Variants in MAST4 observed in about 807,000 individuals in gnomAD.
MAST4 encodes microtubule associated serine/threonine kinase family member 4.
MAST4 carries 89 observed loss-of-function variants against 162.7 expected under a neutral mutation model. The ratio of observed to expected loss-of-function variants is 0.55; its 90% CI spans 0.46 to 0.65. MAST4 has a LOEUF of 0.65. Among genes scored for constraint, MAST4 ranks in the 30% least tolerant of loss-of-function variants. The probability of loss-of-function intolerance (pLI) is 0.00; values close to 1 mark genes in which losing one functional copy is unlikely to be tolerated. For missense variants in MAST4, 3,153 were observed against 3,374.0 expected, an observed-to-expected ratio of 0.93 and a Z score of 1.62; for synonymous variants, 1,479 against 1,361.1, an observed-to-expected ratio of 1.09 and a Z score of -1.91.
At chr5:66,962,000 G>A (rs976315559) in intron 4 of MAST4, among the ~76,000 whole-genome samples, 1 of 152,170 alleles carries the variant, frequency 6.6e-6, no homozygotes, top group African/African-American at 2.4e-5. Context: ...TTTTTAATTA[G>A]AGCATTTGAG....
chr5:66,864,645 C>T (rs200118628), intron 3 of MAST4, among the ~76,000 whole-genome samples: 2 of 53,534 alleles, frequency 3.7e-5, no homozygotes, highest in East Asian at 5.5e-4. Context: ...TGAATTATGT[C>T]CCCCCCCGAA....
At chr5:67,018,016 A>G (rs937567682) in intron 4 of MAST4, among the ~76,000 whole-genome samples, 9 of 152,148 alleles carry the variant, frequency 5.9e-5, no homozygotes. Context: ...TAAGCTTTAC[A>G]TTTTACTAAT....
At chr5:66,909,450 T>C (rs992993243) in intron 4 of MAST4, among the ~76,000 whole-genome samples, 4 of 152,204 alleles carry the variant, frequency 2.6e-5, no homozygotes, top group African/African-American at 9.7e-5. Context: ...TATAGTGGTC[T>C]ATATGGAAAA....
At position 66,899,935 on chromosome 5, in the gene MAST4, T is replaced by G; in HGVS notation, c.643-16T>G. 6.6e-7 allele frequency: 1 copy of G among 1,510,944 alleles called. No individual in the cohort carries two copies. Among genetic ancestry groups the G allele is most frequent in the Non-Finnish European group, 8.8e-7 (1 of 1,131,902 alleles). 93.6% of individuals were successfully genotyped at this position (1,510,944 alleles called of 1,614,324 possible). A position where few individuals can be genotyped will look rare whatever the true frequency, so the allele number is the denominator to read the frequency against. On this transcript the variant is annotated splice_polypyrimidine_tract_variant and intron_variant, in intron 3 of 28. Transcript: ENST00000403625. ...AATGCAGCATTGCTTATATATGGTT[T>G]TTTTTTCTTTTGCAGAAGGAGCTGA...
chr5:67,163,162 A>G lies in MAST4; in HGVS notation c.3983A>G (p.Gln1328Arg), dbSNP rs1179929176. 2 of 1,605,570 alleles carry G rather than the reference A, an allele frequency of 1.2e-6. No homozygotes were observed. The highest frequency in any genetic ancestry group is 1.7e-6 in the Non-Finnish European group (2 of 1,173,334). ...CCATCCACAGGTACTAATTCCTCCC[A>G]GAGCAGCTCCCCTAGTTCTAGTGCC... ...PDFPSGTNSS[Q>R]SSSPSSSAPN... The change falls in exon 29 of 29, where the codon CAG (glutamine) becomes CGG (arginine). Residue 1328 changes from glutamine (Q) to arginine (R), a missense_variant. Physicochemically the swap from Gln to Arg is conservative, Grantham distance 43. Coordinates refer to ENST00000403625, the MANE Select transcript of MAST4 (RefSeq NM_001164664.2). This position sits in a 1 kb window ranked among gnomAD's most constrained non-coding sequence, Gnocchi z 7.0.
At chr5:66,801,194 A>ATCTT (rs1375826954) in intron 3 of MAST4, among the ~76,000 whole-genome samples, 1 of 152,166 alleles carries the variant, frequency 6.6e-6, no homozygotes, top group Non-Finnish European at 1.5e-5. Flanking sequence ...AAAGAATTTT[A>ATCTT]ACAGGCCTGT....
At chr5:67,068,173 C>G (rs1760472003) in intron 5 of MAST4, among the ~76,000 whole-genome samples, 1 of 152,156 alleles carries the variant, frequency 6.6e-6, no homozygotes, top group South Asian at 2.1e-4. Flanking sequence ...CTCTCTGGGT[C>G]CTGAACACAG....
chr5:66,679,579 C>T (rs1748194174), intron 1 of MAST4, among the ~76,000 whole-genome samples: 1 of 152,142 alleles, frequency 6.6e-6, no homozygotes, highest in South Asian at 2.1e-4. Context: ...ATACTCTCAC[C>T]TCTCTTGCTT....
intron 19 of MAST4, among the ~76,000 whole-genome samples, chr5:67,138,970 T>G (rs1295608710): frequency 6.6e-6 from 1 of 152,216 alleles, no homozygotes; most frequent in Non-Finnish European, 1.5e-5. Flanking sequence ...ATCTCTGTGT[T>G]TATAAATCAT....
chr5:67,025,388 A>T (rs1171274397), intron 4 of MAST4, among the ~76,000 whole-genome samples: 1 of 152,180 alleles, frequency 6.6e-6, no homozygotes, highest in Non-Finnish European at 1.5e-5. Context: ...TAATACTATG[A>T]TGATAGATGT....
chr5:67,142,757 A>T (rs923927408), intron 21 of MAST4: 19 of 427,140 alleles, frequency 4.4e-5, no homozygotes, highest in Middle Eastern at 5.3e-4. Flanking sequence ...CTGTGAGACA[A>T]CAGAGATTCA....
chr5:66,610,601 C>T (rs775572669), intron 1 of MAST4, among the ~76,000 whole-genome samples: 5 of 152,178 alleles, frequency 3.3e-5, no homozygotes, highest in African/African-American at 9.7e-5. Context: ...TGTTAGAACA[C>T]GAGTTCCACT....
rs143899066 is a variant in MAST4 at position 66,697,049 on chromosome 5, C to T, written c.364-62660C>T. Among the ~76,000 whole-genome samples, 160 of 152,300 alleles carry T rather than the reference C, an allele frequency of 1.1e-3. 2 individuals are homozygous for T. In the East Asian group the frequency reaches 0.028, roughly 27 times the overall value. On this transcript the variant is annotated intron_variant, in intron 1 of 28. Transcript: ENST00000403625. ...GTTGTCTCAAGGAGAAGCACTTGTG[C>T]GATCGGTGGACAGACTATGGTTATC...
At chr5:66,725,582 C>T (rs1751466536) in intron 1 of MAST4, among the ~76,000 whole-genome samples, 1 of 152,178 alleles carries the variant, frequency 6.6e-6, no homozygotes, top group African/African-American at 2.4e-5. Flanking sequence ...AGACACTTCT[C>T]TGACTTCTAA....
At chr5:66,961,866 C>T (rs1416046641) in intron 4 of MAST4, among the ~76,000 whole-genome samples, 1 of 152,142 alleles carries the variant, frequency 6.6e-6, no homozygotes, top group African/African-American at 2.4e-5. Context: ...TGTTTAAGAG[C>T]AGCAGCTTTT....
intron 14 of MAST4, among the ~76,000 whole-genome samples, chr5:67,121,601 C>A (rs546474739): frequency 3.3e-5 from 5 of 151,234 alleles, no homozygotes; most frequent in African/African-American, 1.2e-4. Context: ...CGTTTGTCTT[C>A]CCTGGGCCAC....
At chr5:66,940,040 C>T (rs924206062) in intron 4 of MAST4, among the ~76,000 whole-genome samples, 4 of 151,968 alleles carry the variant, frequency 2.6e-5, no homozygotes, top group Non-Finnish European at 4.4e-5. Context: ...ACACTCCAGT[C>T]TGAGCAACAG....
chr5:67,117,023 TCA>T (rs982602378), intron 12 of MAST4, among the ~76,000 whole-genome samples: 3 of 152,214 alleles, frequency 2.0e-5, no homozygotes, highest in African/African-American at 4.8e-5. Context: ...TCTTTGTGCC[TCA>T]GTTACTTCCA....
At chr5:66,955,248 C>G (rs548691914) in intron 4 of MAST4, among the ~76,000 whole-genome samples, 34 of 150,234 alleles carry the variant, frequency 2.3e-4, no homozygotes, top group African/African-American at 8.1e-4. Context: ...GATGAGGGAG[C>G]CTTGTGTTTT....
Sources: gnomAD v4.1 joint callset for allele counts (sites outside exome capture counted in the v4.1 genomes callset) on GRCh38, gnomAD v4.1.1 for gene constraint, Gnocchi (gnomAD v3.1) non-coding constraint, MANE v1.5 for transcripts, NCBI Gene and HGNC (gene_info 2026-07-23, HGNC 2026-07-21) for gene names.